The following ZNF274 variants were observed in gnomAD, a reference collection of about 807,000 sequenced individuals.
The protein encoded by ZNF274 is zinc finger protein 274.
ZNF274 carries 23 observed loss-of-function variants against 42.5 expected under a neutral mutation model. That is an observed-to-expected ratio of 0.54 (90% CI 0.39 to 0.77). The LOEUF is 0.77. ZNF274 is among the 30% of genes least tolerant of loss of function. The pLI, the probability that ZNF274 is intolerant of heterozygous loss-of-function variation, is 0.00. For synonymous variants in ZNF274, 292 were observed against 305.4 expected, an observed-to-expected ratio of 0.96 and a Z score of 0.46; for missense variants, 679 against 806.5, an observed-to-expected ratio of 0.84 and a Z score of 1.91.
At position 58,211,835 on chromosome 19, in the gene ZNF274, C is replaced by A; in HGVS notation, c.979+149C>A. On this transcript the variant is annotated intron_variant, in intron 7 of 7. Coordinates refer to ENST00000617501, the MANE Select transcript of ZNF274 (RefSeq NM_133502.3). This position sits in a 1 kb window ranked among gnomAD's most constrained non-coding sequence, Gnocchi z 4.8. ...AGGGCCTGTAAGTGGAACTGTAGAC[C>A]TAGAGGGGTGAGGTCACTGGGTGGC... 1 of 1,252,112 alleles carries A rather than the reference C, an allele frequency of 8.0e-7. No individual in the cohort carries two copies. The highest frequency in any genetic ancestry group is 1.1e-6 in the Non-Finnish European group (1 of 928,720). 77.6% of individuals were successfully genotyped at this position (1,252,112 alleles called of 1,614,324 possible).
In ZNF274 at chr19:58,205,426, A is replaced by T. The variant is rs374835878; in HGVS notation, c.257-1294A>T. On this transcript the variant is annotated intron_variant, in intron 4 of 7. Coordinates refer to ENST00000617501, the MANE Select transcript of ZNF274 (RefSeq NM_133502.3). ...GTGGTGCAATCATAGATAACTGTAA[A>T]ATCAAATTATTGGGCCCAAGCAGCC... Among the ~76,000 whole-genome samples, 22 of 152,224 alleles carry T rather than the reference A, an allele frequency of 1.4e-4. No homozygotes were observed. In the East Asian group the frequency reaches 3.9e-3, roughly 27 times the overall value.
chr19:58,190,211 G>A (rs1037869530), intron 4 of ZNF274, among the ~76,000 whole-genome samples: 5 of 148,122 alleles, frequency 3.4e-5, no homozygotes, highest in African/African-American at 1.0e-4. Flanking sequence ...AGGGCAGTGC[G>A]ATCTCAGCTC....
Position 58,206,755 on chromosome 19 carries a change from C to A in ZNF274, c.292C>A (p.Pro98Thr). Residue 98 changes from proline (P) to threonine (T), a missense_variant, in exon 5 of 8, where the codon CCT becomes ACT. Transcript: ENST00000617501. ...PELQLDPKLD[P>T]LPAESPLMNI... ...GCTCCAGCTGGACCCTAAATTGGAT[C>A]CTCTTCCTGCTGAGAGTCCCCTAAT... 1.2e-6 allele frequency: 2 copies of A among 1,604,030 alleles called. No homozygotes were observed. The highest frequency in any genetic ancestry group is 1.7e-6 in the Non-Finnish European group (2 of 1,175,366).
chr19:58,210,139 C>T (rs1033898227), intron 6 of ZNF274, 66 bp downstream of exon 6: 4 of 1,318,198 alleles, frequency 3.0e-6, no homozygotes, highest in South Asian at 1.3e-5. Context: ...ACCCCTGAGG[C>T]ATCCACTCTG....
Position 58,212,034 on chromosome 19 carries a change from G to T in ZNF274, c.980-127G>T, listed in dbSNP as rs1600160729. The T allele has an allele frequency of 8.7e-6, 10 of 1,150,758 alleles. No individual in the cohort carries two copies. The highest frequency in any genetic ancestry group is 6.0e-4 in the Middle Eastern group (2 of 3,318). 71.3% of individuals were successfully genotyped at this position (1,150,758 alleles called of 1,614,324 possible). On this transcript the variant is annotated intron_variant, in intron 7 of 7. Transcript: ENST00000617501. The surrounding 1 kb of genome is among the most constrained non-coding windows in gnomAD (Gnocchi z 4.6). ...TCATTGCTTTTCAGTCTCTCTCCAG[G>T]TTGCATGACTCTATTTGGGAGAAAA...
rs1164240585 is a variant in ZNF274, at chr19:58,211,362, A to G, written c.853-198A>G. On this transcript the variant is annotated intron_variant, in intron 6 of 7. Transcript: ENST00000617501. This position sits in a 1 kb window ranked among gnomAD's most constrained non-coding sequence, Gnocchi z 4.8. The stretch of plus-strand genomic sequence containing the variant: ...TTATGAAGCAAGGGCTCTGCCTCCC[A>G]GCCTGAGACCCAGACCCTGGTTTGG... 1 of 555,844 alleles carries G rather than the reference A, an allele frequency of 1.8e-6. No homozygotes were observed. The highest frequency in any genetic ancestry group is 1.9e-5 in the African/African-American group (1 of 52,452). The allele number at this position is 555,844 out of a possible 1,614,324, so 34.4% of individuals were successfully genotyped here.
intron 4 of ZNF274, among the ~76,000 whole-genome samples, chr19:58,199,137 A>G (rs1401283016): frequency 6.6e-6 from 1 of 151,976 alleles, no homozygotes; most frequent in Non-Finnish European, 1.5e-5. Flanking sequence ...AGGCCGAGGC[A>G]GGTGGATCAC....
chr19:58,208,517 C>T lies in ZNF274; in HGVS notation c.739+1315C>T, dbSNP rs1023753093. ...TATTTGAGTGGATCTAACATAACCA[C>T]AGGGGCCCTTAGGAGAGGGAGGCTG... On this transcript the variant is annotated intron_variant, in intron 5 of 7. Coordinates refer to ENST00000617501, the MANE Select transcript of ZNF274 (RefSeq NM_133502.3). This position sits in a 1 kb window ranked among gnomAD's most constrained non-coding sequence, Gnocchi z 4.5. 1 of 152,190 alleles carries T rather than the reference C, an allele frequency of 6.6e-6. No homozygotes were observed. Among genetic ancestry groups the T allele is most frequent in the Non-Finnish European group, 1.5e-5 (1 of 68,064 alleles). The allele number at this position is 152,190 out of a possible 1,614,324, so 9.4% of individuals were successfully genotyped here.
Position 58,212,876 on chromosome 19 carries a change from T to C in ZNF274, c.1695T>C (p.Cys565=). ...RVHSGERPFE[C]QECGRTFNDR... ...ATTCTGGAGAGAGACCATTTGAATG[T>C]CAGGAGTGTGGGAGGACCTTCAATG... Residue 565 remains cysteine (C), a synonymous_variant, in exon 8 of 8, where the codon TGT becomes TGC. Transcript: ENST00000617501. The surrounding 1 kb of genome is among the most constrained non-coding windows in gnomAD (Gnocchi z 4.6). The C allele has an allele frequency of 6.2e-7, 1 of 1,613,986 alleles. No individual in the cohort carries two copies. Among genetic ancestry groups the C allele is most frequent in the Non-Finnish European group, 8.5e-7 (1 of 1,179,898 alleles).
Position 58,183,910 on chromosome 19 carries a change from G to A in ZNF274, c.-45-11G>A. The A allele has an allele frequency of 6.4e-7, 1 of 1,558,764 alleles. No homozygotes were observed. The highest frequency in any genetic ancestry group is 1.9e-5 in the Admixed American group (1 of 51,568). On this transcript the variant is annotated splice_polypyrimidine_tract_variant and intron_variant, in intron 1 of 7. Coordinates refer to ENST00000617501, the MANE Select transcript of ZNF274 (RefSeq NM_133502.3). ...AGCCTCTCCCTCCCCTCCCAACTTC[G>A]GTTTCCTCAGGACTCTGCCCACTTC... is the stretch of plus-strand genomic sequence containing the variant.
At chr19:58,191,263 G>C (rs1278960518) in intron 4 of ZNF274, among the ~76,000 whole-genome samples, 2 of 152,136 alleles carry the variant, frequency 1.3e-5, no homozygotes, top group African/African-American at 4.8e-5. Context: ...TCAGCCTCCA[G>C]AGTAGCTGGG....
intron 4 of ZNF274, among the ~76,000 whole-genome samples, chr19:58,193,545 TG>T (rs1247569360): frequency 3.5e-5 from 5 of 140,924 alleles, no homozygotes; most frequent in Non-Finnish European, 6.1e-5. Flanking sequence ...CTCTGCCTCC[TG>T]GGTTCAAGTG....
chr19:58,183,759 C>T, intron 1 of ZNF274, 162 bp from the exon 2 acceptor site: 1 of 550,228 alleles, frequency 1.8e-6, no homozygotes, highest in Non-Finnish European at 3.2e-6. Context: ...AAAACTGGTC[C>T]TATCCAGTCC....
intron 4 of ZNF274, among the ~76,000 whole-genome samples, chr19:58,197,619 G>T (rs1270688738): frequency 6.6e-6 from 1 of 152,196 alleles, no homozygotes; most frequent in Non-Finnish European, 1.5e-5. Context: ...GTGAATAGAT[G>T]TCTGAAGAAG....
intron 5 of ZNF274, chr19:58,209,425 A>C (rs1373919831): frequency 6.6e-6 from 1 of 152,548 alleles, no homozygotes; most frequent in African/African-American, 2.4e-5. Context: ...CCGTGGTTAC[A>C]GGGGCCCTTG....
chr19:58,196,544 T>A (rs1367117348), intron 4 of ZNF274, among the ~76,000 whole-genome samples: 2 of 152,118 alleles, frequency 1.3e-5, no homozygotes, highest in Admixed American at 1.3e-4. Flanking sequence ...AAAACAAAGT[T>A]AAGTAGGAAA....
At chr19:58,183,616 G>C in intron 1 of ZNF274, 174 bp downstream of exon 1, 1 of 226,086 alleles carries the variant, frequency 4.4e-6, no homozygotes, top group Non-Finnish European at 8.9e-6. Flanking sequence ...CCGGAACCCC[G>C]AGGGGAGACA....
intron 4 of ZNF274, among the ~76,000 whole-genome samples, chr19:58,188,007 G>A (rs897633658): frequency 3.3e-5 from 5 of 152,214 alleles, no homozygotes; most frequent in African/African-American, 1.2e-4. Flanking sequence ...TTACAGGCAT[G>A]AGCCATTGTG....
chr19:58,196,368 C>G (rs927970268), intron 4 of ZNF274, among the ~76,000 whole-genome samples: 5 of 152,130 alleles, frequency 3.3e-5, no homozygotes, highest in African/African-American at 1.2e-4. Flanking sequence ...TGAGACCAAC[C>G]TGGGCAACAT....
Sources: allele counts gnomAD v4.1 joint callset (sites outside exome capture counted in the v4.1 genomes callset), GRCh38; gene constraint gnomAD v4.1.1; non-coding constraint Gnocchi (gnomAD v3.1); transcripts MANE v1.5; gene names NCBI Gene and HGNC (gene_info 2026-07-23, HGNC 2026-07-21).